Variants in MBP observed in about 807,000 individuals in gnomAD.
MBP encodes the protein myelin basic protein, also known as Golli-MBP.
Under a neutral mutation model 35.8 loss-of-function variants are expected in MBP, and 16 were observed. The observed-to-expected ratio is 0.45, with a 90% CI of 0.30 to 0.68. The LOEUF is 0.68. MBP is among the 30% of genes least tolerant of loss of function. MBP has a pLI of 0.08. For missense variants in MBP, 380 were observed against 404.7 expected (o/e 0.94, Z 0.52); for synonymous variants, 143 against 159.6 (o/e 0.90, Z 0.78).
At chr18:77,074,339 C>T (rs897183345) in intron 2 of MBP, among the ~76,000 whole-genome samples, 9 of 150,536 alleles carry the variant, frequency 6.0e-5, no homozygotes, top group Non-Finnish European at 8.9e-5. Flanking sequence ...TCAGTGAGCC[C>T]GGGTCTCAAG....
intron 1 of MBP, among the ~76,000 whole-genome samples, chr18:77,126,075 G>A (rs12604394): frequency 0.22 from 32,913 of 152,106 alleles, 4,187 homozygotes; most frequent in Middle Eastern, 0.34. Context: ...CTCATTTTAT[G>A]AGGCCAGTTA....
intron 3 of MBP, among the ~76,000 whole-genome samples, chr18:77,064,640 A>C (rs1213639329): frequency 6.6e-6 from 1 of 152,276 alleles, no homozygotes; most frequent in Non-Finnish European, 1.5e-5. Context: ...GGACTTTTGA[A>C]AAAGAGCAAG....
At chr18:77,048,189 G>A (rs558363723) in intron 3 of MBP, among the ~76,000 whole-genome samples, 5 of 152,306 alleles carry the variant, frequency 3.3e-5, no homozygotes, top group African/African-American at 1.2e-4. Context: ...GCAGCAGGTG[G>A]GCAGTCGTGG....
At chr18:77,061,707 C>T (rs1001333524) in intron 3 of MBP, among the ~76,000 whole-genome samples, 16 of 152,188 alleles carry the variant, frequency 1.1e-4, no homozygotes, top group African/African-American at 3.9e-4. Flanking sequence ...CTAGACTTCT[C>T]AATTTTATTT....
chr18:77,077,131 C>G (rs537337629), intron 2 of MBP, among the ~76,000 whole-genome samples: 1 of 151,812 alleles, frequency 6.6e-6, no homozygotes, highest in Non-Finnish European at 1.5e-5. Context: ...GAGGTTGAGG[C>G]GGGAGGATCA....
intron 1 of MBP, among the ~76,000 whole-genome samples, chr18:77,106,988 T>C (rs1976299779): frequency 6.6e-6 from 1 of 152,182 alleles, no homozygotes. Flanking sequence ...TTTTAGGGTC[T>C]AAGAAAGAAG....
At chr18:77,127,470 C>T (rs1042814016) in intron 1 of MBP, 11 of 152,070 alleles carry the variant, frequency 7.2e-5, no homozygotes, top group South Asian at 2.1e-4. Context: ...AGAAAATCTT[C>T]GGGAACCTCA....
At chr18:76,987,228 A>G (rs1599468683) in intron 7 of MBP, 1 of 985,468 alleles carries the variant, frequency 1.0e-6, no homozygotes, top group Non-Finnish European at 1.2e-6. Context: ...AGCAGTAGCT[A>G]AAATAAGATT....
intron 3 of MBP, among the ~76,000 whole-genome samples, chr18:77,033,517 C>T (rs1022603191): frequency 1.3e-5 from 2 of 152,108 alleles, no homozygotes; most frequent in Non-Finnish European, 2.9e-5. Context: ...ACCTTGTGCA[C>T]AGGAGTAAGG....
At position 77,021,555 on chromosome 18, in the gene MBP, C is replaced by T. The variant is rs1379423822; in HGVS notation, c.140-4287G>A. On this transcript the variant is annotated intron_variant, in intron 3 of 8. Transcript: ENST00000355994. ...TTGGAGTGTGATGGCACAATCTCAGCTCACCGCAACCTCCGCCTCCCGGGT... is the reference window on the plus strand; with the variant it reads ...TTGGAGTGTGATGGCACAATCTCAGTTCACCGCAACCTCCGCCTCCCGGGT... Among the ~76,000 whole-genome samples, 9 of 149,504 alleles carry T rather than the reference C, an allele frequency of 6.0e-5. No individual in the cohort carries two copies. In the East Asian group the frequency reaches 1.8e-3, roughly 30 times the overall value.
chr18:77,082,137 C>A (rs1193670643), intron 2 of MBP, among the ~76,000 whole-genome samples: 2 of 152,022 alleles, frequency 1.3e-5, no homozygotes, highest in Non-Finnish European at 2.9e-5. Context: ...CAGGCGTGAG[C>A]CACTGCGCCC....
intron 4 of MBP, among the ~76,000 whole-genome samples, chr18:77,008,651 G>A (rs1229305420): frequency 2.6e-5 from 4 of 152,158 alleles, no homozygotes; most frequent in Non-Finnish European, 5.9e-5. Flanking sequence ...CTCCCCCAGG[G>A]CCCTTCTGCC....
intron 7 of MBP, chr18:76,987,944 G>A (rs934363366): frequency 1.3e-4 from 145 of 1,141,706 alleles, no homozygotes; most frequent in Non-Finnish European, 1.5e-4. Context: ...TTTCTGGATG[G>A]CTTGATATCT....
At chr18:77,077,986 C>T (rs1000791978) in intron 2 of MBP, among the ~76,000 whole-genome samples, 2 of 152,188 alleles carry the variant, frequency 1.3e-5, no homozygotes, top group African/African-American at 4.8e-5. Flanking sequence ...CCGAGAGCTG[C>T]ACCCCCCTGC....
chr18:77,080,227 G>A (rs563906701), intron 2 of MBP, among the ~76,000 whole-genome samples: 2 of 152,208 alleles, frequency 1.3e-5, no homozygotes, highest in South Asian at 2.1e-4. Context: ...AGTAAAACAC[G>A]GAAAGCTTTT....
intron 3 of MBP, among the ~76,000 whole-genome samples, chr18:77,048,951 GCT>G: frequency 6.6e-6 from 1 of 151,772 alleles, no homozygotes; most frequent in South Asian, 2.1e-4. Context: ...ATGGAGTCTC[GCT>G]CTGTCACCCA....
At chr18:76,995,799 C>G (rs1372705669) in intron 4 of MBP, among the ~76,000 whole-genome samples, 1 of 152,060 alleles carries the variant, frequency 6.6e-6, no homozygotes, top group Non-Finnish European at 1.5e-5. Flanking sequence ...AGACCTGACA[C>G]CAAAACATCA....
At position 76,988,868 on chromosome 18, in the gene MBP, A is replaced by G. The variant is rs868100940; in HGVS notation, c.717+9T>C. ...AGTGATGATCAATCAAAACATTCCA[A>G]GGTCTTACCTTTCCCTGCGACGGGG... On this transcript the variant is annotated intron_variant, in intron 6 of 8. Transcript: ENST00000355994. This position sits in a 1 kb window ranked among gnomAD's most constrained non-coding sequence, Gnocchi z 5.2. 1 of 1,612,248 alleles carries G rather than the reference A, an allele frequency of 6.2e-7. No individual in the cohort carries two copies.
chr18:77,086,844 AAG>A (rs1250124499), intron 2 of MBP, among the ~76,000 whole-genome samples: 1 of 152,236 alleles, frequency 6.6e-6, no homozygotes, highest in African/African-American at 2.4e-5. Context: ...ATGACAGGAA[AAG>A]AGTGTCTTAA....
Sources: allele counts gnomAD v4.1 joint callset (sites outside exome capture counted in the v4.1 genomes callset), GRCh38; gene constraint gnomAD v4.1.1; non-coding constraint Gnocchi (gnomAD v3.1); transcripts MANE v1.5; gene names NCBI Gene and HGNC (gene_info 2026-07-23, HGNC 2026-07-21).